Variants in C6orf62 observed in about 807,000 individuals in gnomAD.
The protein encoded by C6orf62 is uncharacterized protein C6orf62.
Under a neutral mutation model 26.8 loss-of-function variants are expected in C6orf62, and 16 were observed. The observed-to-expected ratio is 0.60, with a 90% confidence interval of 0.40 to 0.91. The LOEUF (loss-of-function observed/expected upper bound fraction) is 0.91, where lower values mean the gene tolerates loss of function less well. Among genes scored for constraint, C6orf62 ranks in the 40% least tolerant of loss-of-function variants. The pLI, the probability that C6orf62 is intolerant of heterozygous loss-of-function variation, is 0.00. For synonymous variants in C6orf62, 112 were observed against 91.5 expected (o/e 1.22, Z -1.28); for missense variants, 192 against 271.4 (o/e 0.71, Z 2.06).
In C6orf62 at chr6:24,706,362, C is replaced by A. The variant is rs959660429; in HGVS notation, c.565-100G>T. 14 of 1,493,718 alleles carry A rather than the reference C, an allele frequency of 9.4e-6. No individual in the cohort carries two copies. In the African/African-American group the frequency reaches 1.7e-4, roughly 18 times the overall value. 92.5% of individuals were successfully genotyped at this position (1,493,718 alleles called of 1,614,324 possible). A position where few individuals can be genotyped will look rare whatever the true frequency, so the allele number is the denominator to read the frequency against. On this transcript the variant is annotated intron_variant, in intron 4 of 4. Coordinates refer to ENST00000378119, the MANE Select transcript of C6orf62 (RefSeq NM_030939.5). ...ACAATTTATTAAACATCTTAACATA[C>A]AGAGTAAGGGACAAATTGTAGTCCC...
chr6:24,716,365 C>T, intron 1 of C6orf62, 41 bp from the exon 2 acceptor site: 3 of 1,470,632 alleles, frequency 2.0e-6, no homozygotes, highest in East Asian at 2.3e-5. Context: ...ACAGGGAGCA[C>T]AGCCTTTTAA....
upstream of C6orf62, chr6:24,719,316 A>G (rs1003473386): frequency 1.0e-6 from 1 of 994,230 alleles, no homozygotes; most frequent in African/African-American, 1.7e-5. Context: ...ATTGCTATGT[A>G]TTGTCAGTGC....
chr6:24,709,599 T>G, intron 3 of C6orf62: 1 of 983,570 alleles, frequency 1.0e-6, no homozygotes, highest in Non-Finnish European at 1.2e-6. Context: ...GTTTTGCTCC[T>G]CATAGATAGG....
chr6:24,708,285 T>C (rs371899312), intron 4 of C6orf62, among the ~76,000 whole-genome samples: 12 of 150,818 alleles, frequency 8.0e-5, no homozygotes, highest in South Asian at 6.3e-4. Context: ...GCCAGGTTGC[T>C]GTAACATGCA....
At chr6:24,719,395 G>A, upstream of C6orf62, 6 of 1,015,008 alleles carry the variant, frequency 5.9e-6, no homozygotes, top group Non-Finnish European at 7.1e-6. Context: ...GAAAGGGAGA[G>A]GTACAGGGTT....
In C6orf62 at chr6:24,716,244, A is replaced by G; in HGVS notation, c.210T>C (p.Gly70=). The G allele has an allele frequency of 6.2e-7, 1 of 1,613,568 alleles. No homozygotes were observed. The highest frequency in any genetic ancestry group is 8.5e-7 in the Non-Finnish European group (1 of 1,179,508). The change falls in exon 2 of 5, where the codon GGT becomes GGC. Residue 70 remains glycine, a synonymous_variant. Coordinates refer to ENST00000378119, the MANE Select transcript of C6orf62 (RefSeq NM_030939.5). ...TNNYEENILK[G]VRDSSYSLES... is the part of the protein sequence containing the mutation. ...CCAAGGAATAGCTGGAATCTCGCAC[A>G]CCTTTCAGGATATTTTCTTCATAAT...
At chr6:24,710,565 A>G in intron 3 of C6orf62, 1 of 984,620 alleles carries the variant, frequency 1.0e-6, no homozygotes, top group Non-Finnish European at 1.2e-6. Context: ...CGCCCGGCCC[A>G]AATTGGGTTC....
At chr6:24,711,930 T>C (rs568847541) in intron 3 of C6orf62, among the ~76,000 whole-genome samples, 43 of 152,336 alleles carry the variant, frequency 2.8e-4, no homozygotes, top group Non-Finnish European at 4.7e-4. Flanking sequence ...ATAATTAATA[T>C]AGGTAAATTT....
chr6:24,708,338 T>C (rs2127632440), intron 4 of C6orf62, among the ~76,000 whole-genome samples: 1 of 151,530 alleles, frequency 6.6e-6, no homozygotes, highest in African/African-American at 2.4e-5. Context: ...GCCTGGGAAA[T>C]ACTTTTTTAA....
At chr6:24,720,142 G>C, upstream of C6orf62, 1 of 1,348,786 alleles carries the variant, frequency 7.4e-7, no homozygotes, top group Non-Finnish European at 9.5e-7. Flanking sequence ...GCAGGGGGTG[G>C]AATTGAGGCA....
chr6:24,713,458 C>T (rs963920795), intron 3 of C6orf62, among the ~76,000 whole-genome samples: 3 of 152,102 alleles, frequency 2.0e-5, no homozygotes, highest in African/African-American at 7.2e-5. Context: ...AAAGATACTT[C>T]AGGGTAATAA....
intron 1 of C6orf62, among the ~76,000 whole-genome samples, chr6:24,716,728 CTT>C (rs562976400): frequency 1.4e-5 from 2 of 145,458 alleles, no homozygotes. Context: ...TCTGGTTTTT[CTT>C]TTTTTTTTTT....
rs377317383 is a variant in C6orf62 at position 24,718,205 on chromosome 6, A to G, written c.129+335T>C. ...CTTTCAACCATCTTATTTATACTCT[A>G]CATTAGATAATCTTTAAATTCCATC... On this transcript the variant is annotated intron_variant, in intron 1 of 4. Transcript: ENST00000378119. 6.0e-4 allele frequency among the ~76,000 whole-genome samples: 91 copies of G among 152,358 alleles called. No homozygotes were observed. The South Asian group carries it at 0.017, about 29-fold the overall frequency.
In C6orf62 at chr6:24,714,438, A is replaced by G; in HGVS notation, c.309T>C (p.Asp103=). The G allele has an allele frequency of 1.3e-6, 2 of 1,559,734 alleles. No homozygotes were observed. Among genetic ancestry groups the G allele is most frequent in the Non-Finnish European group, 1.7e-6 (2 of 1,159,262 alleles). ...CCATCTCCTGAGTACAGCCAATTAC[A>G]TCCTATAAAATGATTAAAAAAAAAA... ...HAPRYQSMRR[D]VIGCTQEMDF... The change falls in exon 3 of 5, where the codon GAT becomes GAC. Residue 103 remains aspartate (D), a splice_region_variant and synonymous_variant. Transcript: ENST00000378119.
At chr6:24,720,283 A>C, upstream of C6orf62, 1 of 1,294,206 alleles carries the variant, frequency 7.7e-7, no homozygotes, top group Non-Finnish European at 9.7e-7. Context: ...CGGCGGCGGA[A>C]GAGGCGGCGG....
chr6:24,717,078 C>T (rs1274785091), intron 1 of C6orf62, among the ~76,000 whole-genome samples: 1 of 152,162 alleles, frequency 6.6e-6, no homozygotes, highest in African/African-American at 2.4e-5. Flanking sequence ...TCTTTTAATA[C>T]TACTCAAGAC....
At chr6:24,710,994 C>T (rs1287659969) in intron 3 of C6orf62, among the ~76,000 whole-genome samples, 1 of 151,348 alleles carries the variant, frequency 6.6e-6, no homozygotes, top group Non-Finnish European at 1.5e-5. Context: ...CCCATCTCAC[C>T]ATCTCAAAAC....
chr6:24,716,377 A>C, intron 1 of C6orf62, 53 bp from the exon 2 acceptor site: 1 of 1,296,510 alleles, frequency 7.7e-7, no homozygotes, highest in Non-Finnish European at 1.1e-6. Flanking sequence ...GCCTTTTAAC[A>C]CTCAGTTCAT....
At chr6:24,713,610 G>A (rs1581397461) in intron 3 of C6orf62, among the ~76,000 whole-genome samples, 1 of 151,864 alleles carries the variant, frequency 6.6e-6, no homozygotes. Context: ...AGAAAATCGT[G>A]GCAATCTATG....
Sources: gnomAD v4.1 joint callset for allele counts (sites outside exome capture counted in the v4.1 genomes callset) on GRCh38, gnomAD v4.1.1 for gene constraint, MANE v1.5 for transcripts, NCBI Gene and HGNC (gene_info 2026-07-23, HGNC 2026-07-21) for gene names.